The following HEMK2 variants were observed in gnomAD, a reference collection of about 807,000 sequenced individuals.
The protein encoded by HEMK2 is methyltransferase HEMK2.
chr21:28,862,615 C>T, the HEMK2 span, among the ~76,000 whole-genome samples: 11 of 120,674 alleles, frequency 9.1e-5, 2 homozygotes, highest in Non-Finnish European at 1.0e-4. Flanking sequence ...GTCCGCAGTC[C>T]GGCCTGGGCG....
the HEMK2 span, among the ~76,000 whole-genome samples, chr21:28,846,518 T>A: frequency 6.6e-6 from 1 of 152,220 alleles, no homozygotes; most frequent in Non-Finnish European, 1.5e-5. Flanking sequence ...TGGTATCTTG[T>A]TGGGGTTTCA....
At chr21:28,595,627 G>T in the HEMK2 span, among the ~76,000 whole-genome samples, 1 of 152,112 alleles carries the variant, frequency 6.6e-6, no homozygotes, top group Non-Finnish European at 1.5e-5. Flanking sequence ...AAACAGAGCT[G>T]CAAGAAATAT....
chr21:28,645,563 T>C, the HEMK2 span, among the ~76,000 whole-genome samples: 12 of 152,306 alleles, frequency 7.9e-5, no homozygotes, highest in African/African-American at 2.9e-4. Context: ...AGCTGTTTTT[T>C]TTTTAACAGT....
At chr21:28,576,237 T>C in the HEMK2 span, among the ~76,000 whole-genome samples, 1 of 152,226 alleles carries the variant, frequency 6.6e-6, no homozygotes, top group Admixed American at 6.5e-5. Flanking sequence ...GCTCCATGAC[T>C]CTGTCAACAG....
the HEMK2 span, among the ~76,000 whole-genome samples, chr21:28,785,306 T>C: frequency 6.6e-6 from 1 of 152,228 alleles, no homozygotes. Flanking sequence ...GATTTTCTGA[T>C]TTCAAATTTT....
At chr21:28,874,683 C>A in the HEMK2 span, 2 of 152,126 alleles carry the variant, frequency 1.3e-5, no homozygotes, top group Non-Finnish European at 2.9e-5. Context: ...TTTTGCTAAC[C>A]CTTTGGTGAG....
At chr21:28,798,647 G>A in the HEMK2 span, among the ~76,000 whole-genome samples, 1 of 152,104 alleles carries the variant, frequency 6.6e-6, no homozygotes, top group Non-Finnish European at 1.5e-5. Context: ...GGCCTGGACA[G>A]GAAAAGAAAT....
At chr21:28,764,894 G>A in the HEMK2 span, among the ~76,000 whole-genome samples, 3 of 122,126 alleles carry the variant, frequency 2.5e-5, 1 homozygote, top group African/African-American at 1.1e-4. Flanking sequence ...ATTGCTAACT[G>A]TCAAGACATA....
chr21:28,863,465 T>TATATATAC, the HEMK2 span, among the ~76,000 whole-genome samples: 18 of 85,590 alleles, frequency 2.1e-4, 1 homozygote, highest in East Asian at 1.2e-3. Context: ...TATATATATA[T>TATATATAC]ATATACTTCA....
At chr21:28,698,721 T>C in the HEMK2 span, among the ~76,000 whole-genome samples, 4 of 152,238 alleles carry the variant, frequency 2.6e-5, no homozygotes, top group Non-Finnish European at 4.4e-5. Context: ...TGAGCAAACA[T>C]ATTTTCACTG....
the HEMK2 span, among the ~76,000 whole-genome samples, chr21:28,747,868 G>GT: frequency 6.6e-6 from 1 of 152,192 alleles, no homozygotes; most frequent in South Asian, 2.1e-4. Flanking sequence ...TGATCAGTCT[G>GT]TAAGAAATTA....
the HEMK2 span, among the ~76,000 whole-genome samples, chr21:28,735,043 G>T: frequency 1.3e-5 from 2 of 152,168 alleles, no homozygotes; most frequent in African/African-American, 4.8e-5. Context: ...CCTCGGCACT[G>T]CTTCATTGAT....
At chr21:28,767,539 C>T in the HEMK2 span, among the ~76,000 whole-genome samples, 1 of 150,768 alleles carries the variant, frequency 6.6e-6, no homozygotes, top group Non-Finnish European at 1.5e-5. Flanking sequence ...AAAGGGTAGT[C>T]GTTAAACAAT....
the HEMK2 span, among the ~76,000 whole-genome samples, chr21:28,669,619 GT>G: frequency 1.3e-5 from 2 of 152,170 alleles, no homozygotes; most frequent in Non-Finnish European, 2.9e-5. Context: ...GCTGCTGCCA[GT>G]CCAGACAGGA....
the HEMK2 span, chr21:28,882,037 T>C: frequency 1.0e-5 from 6 of 592,308 alleles, no homozygotes; most frequent in Non-Finnish European, 1.6e-5. Context: ...AACAAAGAAT[T>C]TACTTTGTAC....
chr21:28,879,818 A>C, the HEMK2 span: 1 of 1,362,618 alleles, frequency 7.3e-7, no homozygotes, highest in Non-Finnish European at 1.0e-6. Flanking sequence ...ATTTGATTTT[A>C]CAAACAAAAT....
the HEMK2 span, among the ~76,000 whole-genome samples, chr21:28,830,399 C>A: frequency 6.6e-6 from 1 of 152,268 alleles, no homozygotes; most frequent in South Asian, 2.1e-4. Context: ...TGCTTGCTTC[C>A]CCTTCACCTT....
the HEMK2 span, among the ~76,000 whole-genome samples, chr21:28,819,361 C>T: frequency 1.3e-5 from 2 of 149,070 alleles, no homozygotes; most frequent in African/African-American, 4.9e-5. Context: ...TTTTTATATG[C>T]TTTATATAGG....
At chr21:28,620,877 T>C in the HEMK2 span, among the ~76,000 whole-genome samples, 34 of 151,832 alleles carry the variant, frequency 2.2e-4, no homozygotes, top group Non-Finnish European at 8.8e-5. Context: ...TTTCACCATG[T>C]TGGCCAGGAT....
Sources: allele counts gnomAD v4.1 joint callset (sites outside exome capture counted in the v4.1 genomes callset), GRCh38; gene constraint gnomAD v4.1.1; transcripts MANE v1.5; gene names NCBI Gene and HGNC (gene_info 2026-07-23, HGNC 2026-07-21).